DOCK4: variants seen among roughly 807,000 people sequenced by gnomAD.
The protein encoded by DOCK4 is dedicator of cytokinesis 4, also known as dedicator of cytokinesis protein 4.
In DOCK4, 97 loss-of-function variants were observed where a neutral mutation model predicts 268.1. The observed-to-expected ratio is 0.36, with a 90% confidence interval of 0.31 to 0.43. The LOEUF is 0.43. DOCK4 is among the 20% of genes least tolerant of loss of function. The probability of loss-of-function intolerance (pLI) is 1.00; values close to 1 mark genes in which losing one functional copy is unlikely to be tolerated. For synonymous variants in DOCK4, 954 were observed against 887.2 expected (o/e 1.08, Z -1.34); for missense variants, 2,145 against 2,455.7 (o/e 0.87, Z 2.67).
At chr7:111,848,851 C>T (rs186238386) in intron 23 of DOCK4, among the ~76,000 whole-genome samples, 4 of 152,322 alleles carry the variant, frequency 2.6e-5, no homozygotes, top group Admixed American at 2.0e-4. Flanking sequence ...CCTCCCCTTC[C>T]ACCACCTCTT....
intron 3 of DOCK4, among the ~76,000 whole-genome samples, chr7:111,999,581 G>T (rs1562976160): frequency 2.6e-5 from 4 of 151,898 alleles, no homozygotes. Flanking sequence ...GTTAAATGAG[G>T]AGTAAAGTAT....
intron 23 of DOCK4, chr7:111,862,735 G>C (rs565633170): frequency 6.6e-6 from 1 of 152,078 alleles, no homozygotes; most frequent in Non-Finnish European, 1.5e-5. Context: ...CAAGTGATCT[G>C]GCCGCCTTGG....
At chr7:112,172,117 T>C (rs549990458) in intron 1 of DOCK4, among the ~76,000 whole-genome samples, 17 of 152,236 alleles carry the variant, frequency 1.1e-4, no homozygotes, top group Admixed American at 3.3e-4. Flanking sequence ...TTAGGATTTA[T>C]ATGAATTAGG....
intron 1 of DOCK4, among the ~76,000 whole-genome samples, chr7:112,134,644 A>G (rs1046337706): frequency 6.6e-6 from 1 of 152,212 alleles, no homozygotes. Context: ...TGAACCCGGA[A>G]GGCAGAGCTT....
chr7:112,064,271 C>T (rs987946888), intron 1 of DOCK4, among the ~76,000 whole-genome samples: 4 of 152,164 alleles, frequency 2.6e-5, no homozygotes, highest in African/African-American at 9.7e-5. Flanking sequence ...TAGCCCAGAG[C>T]ATGTTTCTGC....
chr7:111,955,585 C>T (rs982893980), intron 8 of DOCK4, among the ~76,000 whole-genome samples: 8 of 152,098 alleles, frequency 5.3e-5, no homozygotes, highest in Non-Finnish European at 1.0e-4. Flanking sequence ...CAATATTCTC[C>T]GTCACGCTAT....
At chr7:111,783,041 CT>C in intron 34 of DOCK4, 117 bp from the exon 35 acceptor site, 1 of 944,484 alleles carries the variant, frequency 1.1e-6, no homozygotes, top group Non-Finnish European at 1.6e-6. Flanking sequence ...AAAGAAGCCA[CT>C]TTTAGGGACC....
At chr7:111,832,391 G>T (rs538476060) in intron 26 of DOCK4, among the ~76,000 whole-genome samples, 7 of 152,306 alleles carry the variant, frequency 4.6e-5, no homozygotes, top group African/African-American at 1.4e-4. Flanking sequence ...TCCCCTACAG[G>T]AACAGGGTAT....
chr7:111,816,532 C>T (rs1346575963), intron 27 of DOCK4, among the ~76,000 whole-genome samples: 1 of 152,184 alleles, frequency 6.6e-6, no homozygotes, highest in East Asian at 1.9e-4. Flanking sequence ...GGGAGGTTTG[C>T]AACCAGGCCC....
intron 42 of DOCK4, 67 bp downstream of exon 42, chr7:111,755,448 T>C: frequency 1.4e-6 from 2 of 1,473,586 alleles, no homozygotes; most frequent in Non-Finnish European, 1.9e-6. Flanking sequence ...AAGTAATGAA[T>C]ATACGGCACA....
chr7:112,185,015 AC>A (rs1352980063), intron 1 of DOCK4, among the ~76,000 whole-genome samples: 2 of 152,228 alleles, frequency 1.3e-5, no homozygotes, highest in Admixed American at 1.3e-4. Flanking sequence ...ATCCCTCTTT[AC>A]AGAACAGGAA....
At chr7:112,071,568 C>T (rs922763379) in intron 1 of DOCK4, among the ~76,000 whole-genome samples, 6 of 152,162 alleles carry the variant, frequency 3.9e-5, no homozygotes, top group Non-Finnish European at 8.8e-5. Context: ...TATTATTACT[C>T]GAAATTGAAT....
intron 52 of DOCK4, among the ~76,000 whole-genome samples, chr7:111,729,854 C>T (rs1794949804): frequency 6.6e-6 from 1 of 152,206 alleles, no homozygotes; most frequent in Non-Finnish European, 1.5e-5. Context: ...GAACTGGCAG[C>T]CCTCGGGGCT....
At chr7:112,142,634 C>T (rs1399597657) in intron 1 of DOCK4, among the ~76,000 whole-genome samples, 1 of 152,072 alleles carries the variant, frequency 6.6e-6, no homozygotes, top group South Asian at 2.1e-4. Flanking sequence ...GAGTGCCTAC[C>T]ACTCATTTTT....
intron 6 of DOCK4, among the ~76,000 whole-genome samples, chr7:111,988,646 A>G (rs529836458): frequency 2.0e-5 from 3 of 152,350 alleles, no homozygotes; most frequent in Admixed American, 6.5e-5. Context: ...TATTACCATG[A>G]CATGGAAAAG....
chr7:112,025,520 T>C (rs1802708157), intron 1 of DOCK4, among the ~76,000 whole-genome samples: 1 of 150,898 alleles, frequency 6.6e-6, no homozygotes, highest in East Asian at 1.9e-4. Flanking sequence ...AAGTTCCTTT[T>C]TCAGCCACCC....
At chr7:112,081,874 T>A (rs1442919750) in intron 1 of DOCK4, among the ~76,000 whole-genome samples, 1 of 152,084 alleles carries the variant, frequency 6.6e-6, no homozygotes, top group African/African-American at 2.4e-5. Flanking sequence ...AAGAGGAAGA[T>A]CACAGAGTAA....
chr7:112,135,647 G>A (rs962664317), intron 1 of DOCK4, among the ~76,000 whole-genome samples: 1 of 151,072 alleles, frequency 6.6e-6, no homozygotes, highest in African/African-American at 2.4e-5. Context: ...GCTGTGCAAG[G>A]AATTAAATAC....
chr7:111,976,856 A>G (rs761348527), intron 8 of DOCK4: 45 of 263,416 alleles, frequency 1.7e-4, no homozygotes, highest in Non-Finnish European at 2.6e-4. Flanking sequence ...AATAATTAAA[A>G]CAAATAACAG....
Sources: allele counts gnomAD v4.1 joint callset (sites outside exome capture counted in the v4.1 genomes callset), GRCh38; gene constraint gnomAD v4.1.1; transcripts MANE v1.5; gene names NCBI Gene and HGNC (gene_info 2026-07-23, HGNC 2026-07-21).